IL17RA: variants seen among roughly 807,000 people sequenced by gnomAD.
IL17RA encodes the protein interleukin 17 receptor A.
Under a neutral mutation model 50.4 loss-of-function variants are expected in IL17RA, and 34 were observed. The ratio of observed to expected loss-of-function variants is 0.67; its 90% CI spans 0.51 to 0.90. IL17RA has a LOEUF of 0.90. Ranked by LOEUF, IL17RA falls within the 40% of genes least tolerant of loss-of-function variation. The pLI, the probability that IL17RA is intolerant of heterozygous loss-of-function variation, is 0.00. For synonymous variants in IL17RA, 585 were observed against 510.4 expected (o/e 1.15, Z -1.97); for missense variants, 1,276 against 1,169.8 (o/e 1.09, Z -1.32).
intron 2 of IL17RA, 113 bp from the exon 3 acceptor site, chr22:17,097,684 T>G (rs577176515): frequency 4.9e-5 from 65 of 1,334,462 alleles, no homozygotes; most frequent in Non-Finnish European, 6.9e-5. Flanking sequence ...GGCCACAGGC[T>G]GGAAGGCCGC....
rs1601349974 is a variant in IL17RA, at chr22:17,108,862, A to G, written c.1643A>G (p.His548Arg). 1 of 1,609,440 alleles carries G rather than the reference A, an allele frequency of 6.2e-7. No individual in the cohort carries two copies. The highest frequency in any genetic ancestry group is 1.1e-5 in the South Asian group (1 of 90,460). ...GAGATGTTCCAGCCGGGCCGCATGC[A>G]CCGCGTAGGGGAGCTGTCGGGGGAC... ...DLEMFQPGRM[H>R]RVGELSGDNY... Residue 548 changes from histidine to arginine, a missense_variant, in exon 13 of 13, where the codon CAC (histidine) becomes CGC (arginine). His to Arg is a conservative substitution (Grantham distance 29). Coordinates refer to ENST00000319363, the MANE Select transcript of IL17RA (RefSeq NM_014339.7).
Position 17,109,408 on chromosome 22 carries a change from G to A in IL17RA, c.2189G>A (p.Ser730Asn). ...PVDPEDSPLG[S>N]STPMASPDLL... is the part of the protein sequence containing the mutation. ...GACCCCGAGGACTCGCCCCTTGGCA[G>A]CAGCACCCCCATGGCGTCTCCTGAC... The change falls in exon 13 of 13, where the codon AGC (serine) becomes AAC (asparagine). Residue 730 changes from serine (S) to asparagine (N), a missense_variant. Physicochemically the swap from Ser to Asn is conservative, Grantham distance 46 (BLOSUM62 1). Coordinates refer to ENST00000319363, the MANE Select transcript of IL17RA (RefSeq NM_014339.7). 6.2e-7 allele frequency: 1 copy of A among 1,613,196 alleles called. No homozygotes were observed. Among genetic ancestry groups the A allele is most frequent in the East Asian group, 2.2e-5 (1 of 44,876 alleles).
In IL17RA at chr22:17,085,126, CGGGGCCCCTGCT is replaced by C. The variant is rs1204898130; in HGVS notation, c.41_52del (p.Pro14_Gly17del). ...GCACGCAGCCCGCCGTCCGCTGTCC[CGGGGCCCCTGCT>C]GGGGCTGCTCCTGCTGCTCCTGGGC... On this transcript the variant is annotated inframe_deletion, in exon 1 of 13. Coordinates refer to ENST00000319363, the MANE Select transcript of IL17RA (RefSeq NM_014339.7). The C allele has an allele frequency of 6.9e-7, 1 of 1,459,546 alleles. No homozygotes were observed. Among genetic ancestry groups the C allele is most frequent in the Non-Finnish European group, 9.0e-7 (1 of 1,107,506 alleles). 90.4% of individuals were successfully genotyped at this position (1,459,546 alleles called of 1,614,324 possible). A position where few individuals can be genotyped will look rare whatever the true frequency, so the allele number is the denominator to read the frequency against.
At chr22:17,087,347 T>G (rs1441979287) in intron 1 of IL17RA, among the ~76,000 whole-genome samples, 2 of 152,174 alleles carry the variant, frequency 1.3e-5, no homozygotes, top group East Asian at 3.8e-4. Flanking sequence ...AAGGCAGGAC[T>G]GGGTGAGCCT....
At chr22:17,090,524 C>G (rs1478081504) in intron 1 of IL17RA, among the ~76,000 whole-genome samples, 1 of 152,068 alleles carries the variant, frequency 6.6e-6, no homozygotes, top group African/African-American at 2.4e-5. Context: ...ACAGTAGATC[C>G]CTGCGCCACC....
At chr22:17,100,141 T>TTAAAAAA (rs1366956748) in intron 4 of IL17RA, among the ~76,000 whole-genome samples, 1 of 121,556 alleles carries the variant, frequency 8.2e-6, no homozygotes, top group East Asian at 2.3e-4. Flanking sequence ...GATCCAGGTT[T>TTAAAAAA]AAAAAAAAAA....
At chr22:17,102,858 T>C (rs1568920723) in intron 7 of IL17RA, among the ~76,000 whole-genome samples, 2 of 151,774 alleles carry the variant, frequency 1.3e-5, no homozygotes, top group East Asian at 3.9e-4. Flanking sequence ...TGACATAAAA[T>C]ATGCCAGGCA....
In IL17RA at chr22:17,103,518, C is replaced by A. The variant is rs778624945; in HGVS notation, c.787C>A (p.Arg263=). 6 of 1,613,722 alleles carry A rather than the reference C, an allele frequency of 3.7e-6. No homozygotes were observed. The highest frequency in any genetic ancestry group is 5.1e-6 in the Non-Finnish European group (6 of 1,179,896). Residue 263 remains arginine (R), a synonymous_variant, in exon 8 of 13, where the codon CGA becomes AGA. Transcript: ENST00000319363. ...GCCCAGACCAGAAGAGTTCCACCAG[C>A]GATCCAACGTCACACTCACTCTACG... The part of the protein sequence containing the change: ...PAPRPEEFHQ[R]SNVTLTLRNL...
intron 1 of IL17RA, among the ~76,000 whole-genome samples, chr22:17,090,974 G>A (rs891303072): frequency 8.5e-5 from 13 of 152,102 alleles, no homozygotes; most frequent in African/African-American, 3.1e-4. Flanking sequence ...TCCATCCCCC[G>A]CTTTCCCCAG....
chr22:17,107,704 AG>A, intron 11 of IL17RA, 22 bp from the exon 12 acceptor site: 1 of 1,603,024 alleles, frequency 6.2e-7, no homozygotes, highest in Non-Finnish European at 8.5e-7. Flanking sequence ...GAACCACTCC[AG>A]TGTATTTCTT....
At chr22:17,100,632 G>C (rs965228023) in intron 5 of IL17RA, 151 bp downstream of exon 5, 1 of 992,060 alleles carries the variant, frequency 1.0e-6, no homozygotes, top group Non-Finnish European at 1.5e-6. Context: ...GCCAAGACTG[G>C]GAGTGCTTTG....
At chr22:17,103,638 C>CA in intron 8 of IL17RA, 61 bp downstream of exon 8, 1 of 1,300,586 alleles carries the variant, frequency 7.7e-7, no homozygotes, top group Non-Finnish European at 1.1e-6. Context: ...ATAGAGTGGA[C>CA]AGGAGTGAGG....
intron 4 of IL17RA, among the ~76,000 whole-genome samples, chr22:17,100,140 T>TAA (rs1568919423): frequency 6.5e-5 from 5 of 76,378 alleles, no homozygotes; most frequent in Admixed American, 1.8e-4. Context: ...AGATCCAGGT[T>TAA]TAAAAAAAAA....
rs188756409 is a variant in IL17RA, at chr22:17,107,114, G to A, written c.1046-613G>A. Among the ~76,000 whole-genome samples, 242 of 152,306 alleles carry A rather than the reference G, an allele frequency of 1.6e-3. 1 individual carries two copies. The highest frequency in any genetic ancestry group is 5.6e-3 in the African/African-American group (233 of 41,560). ...AGTTTTTTCATCACATCTCTGAGGG[G>A]AACAATTGCTTAAGTATGTGGGTTC... On this transcript the variant is annotated intron_variant, in intron 11 of 12. Transcript: ENST00000319363.
intron 1 of IL17RA, among the ~76,000 whole-genome samples, chr22:17,088,612 A>G (rs1454291823): frequency 6.6e-6 from 1 of 152,026 alleles, no homozygotes; most frequent in African/African-American, 2.4e-5. Context: ...CAGCCTCCCA[A>G]GTAGCTGGGA....
chr22:17,109,717 T>G lies in IL17RA; in HGVS notation c.2498T>G (p.Leu833Arg). 6.3e-7 allele frequency: 1 copy of G among 1,583,582 alleles called. No homozygotes were observed. Among genetic ancestry groups the G allele is most frequent in the Non-Finnish European group, 8.6e-7 (1 of 1,165,652 alleles). ...GCCCTGCCACTCTCTCCCGAGGACC[T>G]GGAGAGCCTGAGGAGCCTCCAGCGG... ...KPALPLSPED[L>R]ESLRSLQRQL... Residue 833 changes from leucine (L) to arginine (R), a missense_variant, in exon 13 of 13, where the codon CTG becomes CGG. Physicochemically the swap from Leu to Arg is moderately radical, Grantham distance 102. Transcript: ENST00000319363.
intron 6 of IL17RA, 35 bp from the exon 7 acceptor site, chr22:17,102,104 T>C: frequency 6.2e-7 from 1 of 1,614,048 alleles, no homozygotes; most frequent in Non-Finnish European, 8.5e-7. Context: ...TGCGTGCCCC[T>C]CCTCACTCCC....
intron 1 of IL17RA, among the ~76,000 whole-genome samples, chr22:17,091,290 G>A (rs2061346928): frequency 6.6e-6 from 1 of 151,958 alleles, no homozygotes; most frequent in African/African-American, 2.4e-5. Flanking sequence ...AATTTGGCTG[G>A]GTGTGAAAAT....
In IL17RA at chr22:17,113,536, GAGA is replaced by G. The variant is rs1401192648; in HGVS notation, c.*3723_*3725del. 7 of 152,380 alleles carry G rather than the reference GAGA, an allele frequency of 4.6e-5. No individual in the cohort carries two copies. The highest frequency in any genetic ancestry group is 2.1e-4 in the South Asian group (1 of 4,834). The allele number at this position is 152,380 out of a possible 1,614,324, so 9.4% of individuals were successfully genotyped here. ...TTTGAAAATTAAATAGGGCATAAGA[GAGA>G]AGAAGATGTACTTACAATGCAGTGG... On this transcript the variant is annotated 3_prime_UTR_variant, in exon 13 of 13. Coordinates refer to ENST00000319363, the MANE Select transcript of IL17RA (RefSeq NM_014339.7).
Sources: gnomAD v4.1 joint callset for allele counts (sites outside exome capture counted in the v4.1 genomes callset) on GRCh38, gnomAD v4.1.1 for gene constraint, MANE v1.5 for transcripts, NCBI Gene and HGNC (gene_info 2026-07-23, HGNC 2026-07-21) for gene names.